The following ODAD3 variants were observed in gnomAD, a reference collection of about 807,000 sequenced individuals.
ODAD3 encodes outer dynein arm-docking complex subunit 3.
A neutral mutation model predicts 70.9 loss-of-function variants in ODAD3; 57 were observed. The observed-to-expected ratio is 0.80, with a 90% CI of 0.65 to 1.00. The LOEUF is 1.00. Among genes scored for constraint, ODAD3 ranks in the 50% least tolerant of loss-of-function variants. The pLI is 0.00. For synonymous variants in ODAD3, 327 were observed against 315.9 expected (o/e 1.04, Z -0.37); for missense variants, 797 against 763.9 (o/e 1.04, Z -0.51).
At position 11,420,714 on chromosome 19, in the gene ODAD3, G is replaced by A. The variant is rs1300391675; in HGVS notation, c.*121C>T. On this transcript the variant is annotated 3_prime_UTR_variant, in exon 13 of 13. Transcript: ENST00000356392. The stretch of plus-strand genomic sequence containing the variant: ...CCCTTCCTCCCCTCCGGGCGCCGCT[G>A]GCCGCCTCCGTTCCCGGTCCGGGCC... 3.8e-6 allele frequency: 3 copies of A among 794,120 alleles called. No individual in the cohort carries two copies. In the Admixed American group the frequency reaches 7.3e-5, roughly 19 times the overall value. The allele number at this position is 794,120 out of a possible 1,614,324, so 49.2% of individuals were successfully genotyped here.
Position 11,421,826 on chromosome 19 carries a change from C to A in ODAD3, c.1441G>T (p.Gly481Cys), listed in dbSNP as rs769663421. 3.1e-6 allele frequency: 5 copies of A among 1,612,134 alleles called. No homozygotes were observed. Among genetic ancestry groups the A allele is most frequent in the South Asian group, 2.2e-5 (2 of 91,010 alleles). ...SKLIHITVEDGRFAGKELDPQ... is the reference protein window; with the variant it reads ...SKLIHITVEDCRFAGKELDPQ... ...TCCAGCTCCTTTCCCGCGAAGCGGC[C>A]GTCCTCCTGCGGCCAGGGTAGAGCC... is the stretch of plus-strand genomic sequence containing the variant. The change falls in exon 11 of 13, where the codon GGC (glycine) becomes TGC (cysteine). Residue 481 changes from glycine to cysteine, a missense_variant. Transcript: ENST00000356392.
In ODAD3 at chr19:11,431,011, CG is replaced by C; in HGVS notation, c.253del (p.Arg85GlyfsTer31). 6.2e-7 allele frequency: 1 copy of C among 1,614,068 alleles called. No individual in the cohort carries two copies. The highest frequency in any genetic ancestry group is 8.5e-7 in the Non-Finnish European group (1 of 1,180,016). ...CTGAGAGCTCTCAAAAAAAGCCTTC[CG>C]GTCACCCTCTGGCAGGCAGGTGAGG... is the stretch of plus-strand genomic sequence containing the variant. Reference protein sequence around the residue: ...HKKIQLLEGDRKAFFESSQWN... With the variant: ...HKKIQLLEGDXKAFFESSQWN... On this transcript the variant is annotated frameshift_variant, in exon 2 of 13. Transcript: ENST00000356392. LOFTEE classifies it high-confidence loss of function.
At chr19:11,435,226 C>T (rs1969647260), upstream of ODAD3, 3 of 1,404,322 alleles carry the variant, frequency 2.1e-6, no homozygotes, top group Admixed American at 5.8e-5. Flanking sequence ...CGTTCCGTGG[C>T]TGACACTGCG....
chr19:11,432,537 TGCCCG>T (rs1969524576), intron 1 of ODAD3, among the ~76,000 whole-genome samples: 1 of 151,692 alleles, frequency 6.6e-6, no homozygotes, highest in South Asian at 2.1e-4. Context: ...TGAACCACTG[TGCCCG>T]GCCTGCCCAT....
At chr19:11,426,837 A>T (rs773204055) in intron 4 of ODAD3, 36 bp downstream of exon 4, 2 of 1,612,600 alleles carry the variant, frequency 1.2e-6, no homozygotes, top group Non-Finnish European at 8.5e-7. Context: ...TCCCTCCCAC[A>T]CGACCCTCTG....
chr19:11,425,439 A>G lies in ODAD3; in HGVS notation c.963+705T>C, dbSNP rs1043832736. Among the ~76,000 whole-genome samples the G allele has an allele frequency of 7.2e-5, 10 of 139,772 alleles. No homozygotes were observed. The South Asian group carries it at 1.9e-3, about 27-fold the overall frequency. 91.7% of individuals were successfully genotyped at this position (139,772 alleles called of 152,430 possible). A position where few individuals can be genotyped will look rare whatever the true frequency, so the allele number is the denominator to read the frequency against. ...TATGTGTATATACACATATGTGTAT[A>G]TGTATATATACATATATGTGTGTGT... On this transcript the variant is annotated intron_variant, in intron 7 of 12. Coordinates refer to ENST00000356392, the MANE Select transcript of ODAD3 (RefSeq NM_145045.5).
chr19:11,424,224 G>T (rs1241409593), intron 7 of ODAD3, among the ~76,000 whole-genome samples, 195 bp from the exon 8 acceptor site: 2 of 152,162 alleles, frequency 1.3e-5, no homozygotes, highest in South Asian at 4.1e-4. Context: ...GGGCGCGGGG[G>T]CGGTGGCTGT....
In ODAD3 at chr19:11,420,645, C is replaced by G. The variant is rs531057011; in HGVS notation, c.*190G>C. 1.5e-5 allele frequency: 9 copies of G among 601,066 alleles called. No individual in the cohort carries two copies. The allele number at this position is 601,066 out of a possible 1,614,324, so 37.2% of individuals were successfully genotyped here. A position where few individuals can be genotyped will look rare whatever the true frequency, so the allele number is the denominator to read the frequency against. On this transcript the variant is annotated 3_prime_UTR_variant, in exon 13 of 13. Transcript: ENST00000356392. ...TTATTGCGCAACTCTGAGGCCGGGG[C>G]GGACCCAGCTGGGGAGATTTACTGT...
chr19:11,421,958 C>G, intron 10 of ODAD3, 126 bp from the exon 11 acceptor site: 1 of 1,061,032 alleles, frequency 9.4e-7, no homozygotes, highest in East Asian at 2.5e-5. Context: ...AGGGTCGATC[C>G]TAGCCATTGG....
intron 7 of ODAD3, among the ~76,000 whole-genome samples, chr19:11,425,239 ATG>A: frequency 7.4e-6 from 1 of 135,972 alleles, no homozygotes; most frequent in African/African-American, 3.3e-5. Context: ...ATATGTACAT[ATG>A]TGTATATATG....
rs947092595 is a variant in ODAD3, at chr19:11,435,108, G to A, written c.-92C>T. 1.9e-5 allele frequency: 29 copies of A among 1,497,066 alleles called. No homozygotes were observed. Among genetic ancestry groups the A allele is most frequent in the East Asian group, 4.6e-5 (2 of 43,730 alleles). The allele number at this position is 1,497,066 out of a possible 1,614,324, so 92.7% of individuals were successfully genotyped here. Reference sequence around the variant, plus strand: ...GGATCCGTCAGCTCGGATTCCTAGGGCTCTGAAAAATGCACTTTCCGACCG... The same window carrying A: ...GGATCCGTCAGCTCGGATTCCTAGGACTCTGAAAAATGCACTTTCCGACCG... On this transcript the variant is annotated 5_prime_UTR_variant, in exon 1 of 13. Transcript: ENST00000356392.
Position 11,426,161 on chromosome 19 carries a change from C to G in ODAD3, c.946G>C (p.Glu316Gln), listed in dbSNP as rs1289891684. 5 of 1,611,270 alleles carry G rather than the reference C, an allele frequency of 3.1e-6. No homozygotes were observed. Among genetic ancestry groups the G allele is most frequent in the Non-Finnish European group, 4.2e-6 (5 of 1,179,398 alleles). ...GCGCCCACCTTGCGCTCCATGCGCT[C>G]GTTCTCCAGTTTCTTCTCCTCGGCG... ...KRAEEKKLEN[E>Q]RMERKTHREH... is the part of the protein sequence containing the mutation. The change falls in exon 7 of 13, where the codon GAG becomes CAG. Residue 316 changes from glutamate (E) to glutamine (Q), a missense_variant. Transcript: ENST00000356392.
chr19:11,422,987 G>A lies in ODAD3; in HGVS notation c.1117-126C>T. On this transcript the variant is annotated intron_variant, in intron 8 of 12. Coordinates refer to ENST00000356392, the MANE Select transcript of ODAD3 (RefSeq NM_145045.5). The surrounding 1 kb of genome is among the most constrained non-coding windows in gnomAD (Gnocchi z 4.6). ...GGCCTGAGCTGGCGCCTTTTGCACA[G>A]CAATGTATGGGGACACTGTGGGTTG... The A allele has an allele frequency of 2.0e-6, 2 of 1,020,268 alleles. No homozygotes were observed. Among genetic ancestry groups the A allele is most frequent in the Non-Finnish European group, 2.8e-6 (2 of 710,288 alleles). The allele number at this position is 1,020,268 out of a possible 1,614,324, so 63.2% of individuals were successfully genotyped here.
rs762800863 is a variant in ODAD3 at position 11,426,588 on chromosome 19, AG to A, written c.715-18del. ...GCTCTCGTCCTGGGGCGTGGTGGGG[AG>A]GGGTAGCGGAGATGGTGCAGGTCTG... On this transcript the variant is annotated intron_variant, in intron 5 of 12. Transcript: ENST00000356392. 6.2e-7 allele frequency: 1 copy of A among 1,613,596 alleles called. No homozygotes were observed. Among genetic ancestry groups the A allele is most frequent in the Admixed American group, 1.7e-5 (1 of 59,952 alleles).
chr19:11,421,856 C>A, intron 10 of ODAD3, 24 bp from the exon 11 acceptor site: 1 of 1,604,560 alleles, frequency 6.2e-7, no homozygotes, highest in South Asian at 1.1e-5. Context: ...AGAGCCGGGT[C>A]AGCCGAGAGG....
rs182288361 is a variant in ODAD3, at chr19:11,429,129, T to C, written c.444+1570A>G. On this transcript the variant is annotated intron_variant, in intron 3 of 12. Coordinates refer to ENST00000356392, the MANE Select transcript of ODAD3 (RefSeq NM_145045.5). Reference sequence around the variant, plus strand: ...CCCGACCTCAGGTGATCCGCCCGCCTCAGCCTCCCAAAGTGCTGGGATTAC... The same window carrying C: ...CCCGACCTCAGGTGATCCGCCCGCCCCAGCCTCCCAAAGTGCTGGGATTAC... Among the ~76,000 whole-genome samples, 127 of 152,220 alleles carry C rather than the reference T, an allele frequency of 8.3e-4. 2 individuals are homozygous for C. In the East Asian group the frequency reaches 0.022, roughly 27 times the overall value.
intron 11 of ODAD3, 45 bp downstream of exon 11, chr19:11,421,632 C>T (rs774643840): frequency 6.3e-7 from 1 of 1,577,456 alleles, no homozygotes; most frequent in African/African-American, 1.4e-5. Context: ...CCGACCCAGC[C>T]CTACTCCTAG....
chr19:11,424,224 G>A (rs1241409593), intron 7 of ODAD3, among the ~76,000 whole-genome samples, 195 bp from the exon 8 acceptor site: 2 of 152,162 alleles, frequency 1.3e-5, no homozygotes, highest in African/African-American at 2.4e-5. Flanking sequence ...GGGCGCGGGG[G>A]CGGTGGCTGT....
At chr19:11,435,132 C>T, upstream of ODAD3, 2 of 1,464,160 alleles carry the variant, frequency 1.4e-6, no homozygotes, top group East Asian at 2.4e-5. Context: ...ACTTTCCGAC[C>T]GCTAGGTGGT....
Sources: allele counts gnomAD v4.1 joint callset (sites outside exome capture counted in the v4.1 genomes callset), GRCh38; gene constraint gnomAD v4.1.1; non-coding constraint Gnocchi (gnomAD v3.1); transcripts MANE v1.5; gene names NCBI Gene and HGNC (gene_info 2026-07-23, HGNC 2026-07-21).